Variants in RFTN2 observed in about 807,000 individuals in gnomAD.
RFTN2 encodes raftlin family member 2, also known as raftlin-2.
A neutral mutation model predicts 52.7 loss-of-function variants in RFTN2; 34 were observed. The observed-to-expected ratio is 0.64, with a 90% CI of 0.49 to 0.86. The LOEUF (loss-of-function observed/expected upper bound fraction) is 0.86, where lower values mean the gene tolerates loss of function less well. Ranked by LOEUF, RFTN2 falls within the 40% of genes least tolerant of loss-of-function variation. RFTN2 has a pLI of 0.00. For missense variants in RFTN2, 536 were observed against 600.1 expected, an observed-to-expected ratio of 0.89 and a Z score of 1.12; for synonymous variants, 203 against 217.7, an observed-to-expected ratio of 0.93 and a Z score of 0.59.
chr2:197,573,506 A>G (rs1483712811), intron 8 of RFTN2, among the ~76,000 whole-genome samples: 2 of 152,224 alleles, frequency 1.3e-5, no homozygotes, highest in Non-Finnish European at 2.9e-5. Flanking sequence ...ACTGTTAAAA[A>G]CATTCAGTTT....
intron 7 of RFTN2, among the ~76,000 whole-genome samples, chr2:197,607,055 C>T (rs1303050684): frequency 6.6e-6 from 1 of 152,048 alleles, no homozygotes; most frequent in Admixed American, 6.5e-5. Context: ...GGACTATTCA[C>T]AATAGCAAAG....
chr2:197,616,976 A>G (rs1424869712), intron 6 of RFTN2, among the ~76,000 whole-genome samples: 1 of 152,236 alleles, frequency 6.6e-6, no homozygotes, highest in African/African-American at 2.4e-5. Flanking sequence ...TACACCTCAA[A>G]GACAGTCCAT....
chr2:197,605,788 C>G (rs2087952494), intron 7 of RFTN2, among the ~76,000 whole-genome samples: 1 of 152,166 alleles, frequency 6.6e-6, no homozygotes, highest in African/African-American at 2.4e-5. Flanking sequence ...GTGCTGGTAT[C>G]TTAGAGGAAA....
intron 5 of RFTN2, among the ~76,000 whole-genome samples, chr2:197,627,296 T>C (rs1169706716): frequency 2.0e-5 from 3 of 152,220 alleles, no homozygotes; most frequent in Non-Finnish European, 4.4e-5. Context: ...GACCACCTCT[T>C]TAAGTGAGTT....
At chr2:197,590,472 G>T (rs1479630598) in intron 8 of RFTN2, among the ~76,000 whole-genome samples, 2 of 152,054 alleles carry the variant, frequency 1.3e-5, no homozygotes, top group African/African-American at 2.4e-5. Context: ...CCAATGATAC[G>T]CTTTCTTCAT....
Position 197,625,185 on chromosome 2 carries a change from A to G in RFTN2, c.928+5826T>C, listed in dbSNP as rs575993395. ...AATATATTCATCTTACATAAAAGCCACTCAATCTTAAAGTAATATTGACAC... is the reference window on the plus strand; with the variant it reads ...AATATATTCATCTTACATAAAAGCCGCTCAATCTTAAAGTAATATTGACAC... On this transcript the variant is annotated intron_variant, in intron 5 of 8. Transcript: ENST00000295049. 1.6e-4 allele frequency among the ~76,000 whole-genome samples: 24 copies of G among 152,180 alleles called. No homozygotes were observed. In the South Asian group the frequency reaches 4.6e-3, roughly 29 times the overall value.
At chr2:197,642,384 A>G (rs2088686879) in intron 3 of RFTN2, among the ~76,000 whole-genome samples, 1 of 152,248 alleles carries the variant, frequency 6.6e-6, no homozygotes, top group Non-Finnish European at 1.5e-5. Context: ...TCAATTTAGA[A>G]TATTTATGAA....
At chr2:197,646,095 G>C (rs1237201427) in intron 2 of RFTN2, among the ~76,000 whole-genome samples, 2 of 152,190 alleles carry the variant, frequency 1.3e-5, no homozygotes, top group Non-Finnish European at 2.9e-5. Flanking sequence ...ATGTAGGACA[G>C]TCAGAAAGCT....
At chr2:197,623,874 G>A (rs1490000813) in intron 5 of RFTN2, among the ~76,000 whole-genome samples, 2 of 152,138 alleles carry the variant, frequency 1.3e-5, no homozygotes, top group East Asian at 3.9e-4. Context: ...ATGTTGGTCA[G>A]GCTGGTCTCG....
chr2:197,577,449 A>G (rs1460370953), intron 8 of RFTN2, among the ~76,000 whole-genome samples: 7 of 152,206 alleles, frequency 4.6e-5, no homozygotes. Context: ...TTTCCTGTTT[A>G]TTCCTATTCA....
At chr2:197,604,863 C>T (rs1242302393) in intron 7 of RFTN2, among the ~76,000 whole-genome samples, 7 of 152,088 alleles carry the variant, frequency 4.6e-5, no homozygotes, top group East Asian at 1.9e-4. Context: ...TGGGCTCAAG[C>T]GATTCTCATG....
intron 7 of RFTN2, among the ~76,000 whole-genome samples, chr2:197,614,706 C>A (rs2088114114): frequency 6.6e-6 from 1 of 152,186 alleles, no homozygotes; most frequent in Admixed American, 6.5e-5. Flanking sequence ...TTTGAGCATG[C>A]AGAGGGTGAA....
At chr2:197,630,495 G>A (rs1422311384) in intron 5 of RFTN2, among the ~76,000 whole-genome samples, 2 of 152,212 alleles carry the variant, frequency 1.3e-5, no homozygotes, top group Admixed American at 1.3e-4. Flanking sequence ...GTAACTAAAT[G>A]AGGAAGGCTA....
At chr2:197,578,631 A>T (rs2087457292) in intron 8 of RFTN2, among the ~76,000 whole-genome samples, 1 of 151,804 alleles carries the variant, frequency 6.6e-6, no homozygotes, top group Non-Finnish European at 1.5e-5. Flanking sequence ...TCCACTACCT[A>T]CCCAAATCCT....
chr2:197,594,490 C>T (rs2087766306), intron 8 of RFTN2, among the ~76,000 whole-genome samples: 1 of 151,966 alleles, frequency 6.6e-6, no homozygotes, highest in Non-Finnish European at 1.5e-5. Context: ...ACCATGCCTG[C>T]CTAATTTATT....
chr2:197,619,137 G>C (rs1188756351), intron 5 of RFTN2, among the ~76,000 whole-genome samples: 3 of 151,198 alleles, frequency 2.0e-5, no homozygotes, highest in African/African-American at 4.9e-5. Flanking sequence ...AGGGAGGTGG[G>C]GGGGGTCAGC....
intron 7 of RFTN2, among the ~76,000 whole-genome samples, chr2:197,615,324 A>G (rs1216713551): frequency 6.6e-6 from 1 of 152,250 alleles, no homozygotes; most frequent in Admixed American, 6.5e-5. Context: ...TGGATGCCAA[A>G]GCGGGCAGAG....
At chr2:197,616,410 G>A (rs575314229) in intron 6 of RFTN2, among the ~76,000 whole-genome samples, 50 of 151,862 alleles carry the variant, frequency 3.3e-4, no homozygotes, top group African/African-American at 1.2e-3. Context: ...TCCTGCCTCT[G>A]CCGCCTGAGT....
At chr2:197,623,271 A>G (rs1243552835) in intron 5 of RFTN2, among the ~76,000 whole-genome samples, 2 of 152,234 alleles carry the variant, frequency 1.3e-5, no homozygotes, top group South Asian at 4.1e-4. Context: ...GGAGTTTGAA[A>G]GAGGTTGACT....
Sources: allele counts gnomAD v4.1 joint callset (sites outside exome capture counted in the v4.1 genomes callset), GRCh38; gene constraint gnomAD v4.1.1; transcripts MANE v1.5; gene names NCBI Gene and HGNC (gene_info 2026-07-23, HGNC 2026-07-21).